Variants in DDX24 observed in about 807,000 individuals in gnomAD.
DDX24 encodes the protein DEAD-box helicase 24.
Under a neutral mutation model 68.9 loss-of-function variants are expected in DDX24, and 24 were observed. The observed-to-expected ratio is 0.35, with a 90% CI of 0.25 to 0.49. The LOEUF is 0.49. Ranked by LOEUF, DDX24 falls within the 20% of genes least tolerant of loss-of-function variation. The pLI, the probability that DDX24 is intolerant of heterozygous loss-of-function variation, is 0.99. For missense variants in DDX24, 989 were observed against 1,039.0 expected (o/e 0.95, Z 0.66); for synonymous variants, 395 against 385.2 (o/e 1.03, Z -0.30).
chr14:94,073,418 A>G (rs1269278146), intron 2 of DDX24, among the ~76,000 whole-genome samples: 1 of 152,174 alleles, frequency 6.6e-6, no homozygotes, highest in Non-Finnish European at 1.5e-5. Context: ...GAACTGTCTG[A>G]TTAAACAGCA....
Position 94,051,071 on chromosome 14 carries a change from G to T in DDX24, c.*120C>A. On this transcript the variant is annotated 3_prime_UTR_variant, in exon 9 of 9. Transcript: ENST00000621632. ...GGTCTCTCCCGCTATGGGTGTGAGT[G>T]GAAGAGAGGGAGACTTTTTTACCTG... 8.1e-7 allele frequency: 1 copy of T among 1,234,756 alleles called. No homozygotes were observed. The highest frequency in any genetic ancestry group is 1.1e-6 in the Non-Finnish European group (1 of 903,112). 76.5% of individuals were successfully genotyped at this position (1,234,756 alleles called of 1,614,324 possible). A position where few individuals can be genotyped will look rare whatever the true frequency, so the allele number is the denominator to read the frequency against.
chr14:94,049,100 G>C lies in DDX24; in HGVS notation c.*2091C>G, dbSNP rs147368021. On this transcript the variant is annotated 3_prime_UTR_variant, in exon 9 of 9. Transcript: ENST00000621632. ...GCCCACCAACTTCACCTTACCAGGC[G>C]AGAGTAGCACTGCTTGGAAGGCTGC... The C allele has an allele frequency of 2.0e-5, 3 of 152,242 alleles. No individual in the cohort carries two copies. The highest frequency in any genetic ancestry group is 2.9e-5 in the Non-Finnish European group (2 of 68,066). The allele number at this position is 152,242 out of a possible 1,614,324, so 9.4% of individuals were successfully genotyped here.
At chr14:94,055,715 C>T (rs1447578378) in intron 6 of DDX24, 1 of 152,742 alleles carries the variant, frequency 6.5e-6, no homozygotes, top group African/African-American at 2.4e-5. Flanking sequence ...TGAGATTTGC[C>T]TTTCTTTACT....
At chr14:94,057,096 G>C (rs1171892456) in intron 6 of DDX24, 1 of 152,222 alleles carries the variant, frequency 6.6e-6, no homozygotes, top group Non-Finnish European at 1.5e-5. Context: ...GGGGTAGCTA[G>C]TTGTTACTTC....
In DDX24 at chr14:94,053,050, A is replaced by G. The variant is rs1468668139; in HGVS notation, c.2256T>C (p.Ile752=). Residue 752 remains isoleucine (I), a synonymous_variant, in exon 8 of 9, where the codon ATT becomes ATC. Transcript: ENST00000621632. Reference sequence around the variant, plus strand: ...TCTCCAGGGCAGCTGCTGCCTGCTCAATCCAAGAGTTGTGCAGGCAAGCCT... The same window carrying G: ...TCTCCAGGGCAGCTGCTGCCTGCTCGATCCAAGAGTTGTGCAGGCAAGCCT... ...NFQACLHNSW[I]EQAAAALEIE... 2 of 1,614,072 alleles carry G rather than the reference A, an allele frequency of 1.2e-6. No homozygotes were observed. Among genetic ancestry groups the G allele is most frequent in the South Asian group, 1.1e-5 (1 of 91,084 alleles).
At chr14:94,073,086 CTTTT>C (rs10716706) in intron 2 of DDX24, among the ~76,000 whole-genome samples, 15 of 125,678 alleles carry the variant, frequency 1.2e-4, no homozygotes, top group Non-Finnish European at 1.7e-4. Context: ...ATTTTCTTTT[CTTTT>C]TTTTTTTTTT....
Position 94,073,749 on chromosome 14 carries a change from GA to G in DDX24, c.718+5275del, listed in dbSNP as rs554071873. On this transcript the variant is annotated intron_variant, in intron 2 of 8. Transcript: ENST00000621632. Reference sequence around the variant, plus strand: ...CTGCAAGTAGAAAACAGTCACTCAAGAAAAAAATAAGTGGCCGGGTGTGGCG... The same window carrying G: ...CTGCAAGTAGAAAACAGTCACTCAAGAAAAAATAAGTGGCCGGGTGTGGCG... 1.5e-3 allele frequency among the ~76,000 whole-genome samples: 222 copies of G among 151,098 alleles called. 2 individuals carry two copies. Among genetic ancestry groups the G allele is most frequent in the African/African-American group, 5.3e-3 (220 of 41,406 alleles).
In DDX24 at chr14:94,062,515, T is replaced by A. The variant is rs759508718; in HGVS notation, c.825A>T (p.Gly275=). The change falls in exon 3 of 9, where the codon GGA becomes GGT. Residue 275 remains glycine, a synonymous_variant. Coordinates refer to ENST00000621632, the MANE Select transcript of DDX24 (RefSeq NM_020414.4). ...PPPSNTEAPP[G]ETRTEAGAET... Reference sequence around the variant, plus strand: ...CAGCTCCGGCCTCAGTTCTGGTCTCTCCAGGTGGTGCTTCGGTGTTACTTG... The same window carrying A: ...CAGCTCCGGCCTCAGTTCTGGTCTCACCAGGTGGTGCTTCGGTGTTACTTG... 7.4e-6 allele frequency: 12 copies of A among 1,614,080 alleles called. No individual in the cohort carries two copies. The highest frequency in any genetic ancestry group is 9.3e-6 in the Non-Finnish European group (11 of 1,180,038).
At position 94,079,732 on chromosome 14, in the gene DDX24, T is replaced by G. The variant is rs751409503; in HGVS notation, c.11A>C (p.Lys4Thr). The G allele has an allele frequency of 7.4e-6, 12 of 1,613,624 alleles. No individual in the cohort carries two copies. Among genetic ancestry groups the G allele is most frequent in the Non-Finnish European group, 9.3e-6 (11 of 1,179,786 alleles). Residue 4 changes from lysine (K) to threonine (T), a missense_variant, in exon 2 of 9, where the codon AAG becomes ACG. Around this residue, in one of 3 missense-constraint regions of DDX24, gnomAD observed 295 missense variants for 263.0 expected, o/e 1.12. Coordinates refer to ENST00000621632, the MANE Select transcript of DDX24 (RefSeq NM_020414.4). ...CTGCTTTGGCCTTGATTTTGTGTCC[T>G]TCAACTTCATGGTTGCTGAAAAGGA... is the stretch of plus-strand genomic sequence containing the variant. MKLKDTKSRPKQSS... is the reference protein window; with the variant it reads MKLTDTKSRPKQSS...
intron 2 of DDX24, among the ~76,000 whole-genome samples, chr14:94,070,520 A>T (rs1003768684): frequency 5.3e-5 from 8 of 152,238 alleles, no homozygotes; most frequent in African/African-American, 1.9e-4. Context: ...TCTAAAATTC[A>T]TATGGAACCA....
chr14:94,049,233 G>C lies in DDX24; in HGVS notation c.*1958C>G, dbSNP rs1885341812. The C allele has an allele frequency of 1.3e-5, 2 of 152,372 alleles. No individual in the cohort carries two copies. The highest frequency in any genetic ancestry group is 2.4e-5 in the African/African-American group (1 of 41,564). 9.4% of individuals were successfully genotyped at this position (152,372 alleles called of 1,614,324 possible). Reference sequence around the variant, plus strand: ...GACAGTCATCAGGGGATCTATGTTTGGCTTATGGCAAGTGGCTTCACTCCC... The same window carrying C: ...GACAGTCATCAGGGGATCTATGTTTCGCTTATGGCAAGTGGCTTCACTCCC... On this transcript the variant is annotated 3_prime_UTR_variant, in exon 9 of 9. Coordinates refer to ENST00000621632, the MANE Select transcript of DDX24 (RefSeq NM_020414.4).
At chr14:94,060,769 A>T in intron 4 of DDX24, 144 bp downstream of exon 4, 1 of 1,459,400 alleles carries the variant, frequency 6.9e-7, no homozygotes, top group East Asian at 2.3e-5. Context: ...TCCCTCATGC[A>T]CTCTTGGCTT....
intron 2 of DDX24, among the ~76,000 whole-genome samples, chr14:94,070,150 A>T (rs908887906): frequency 6.6e-6 from 1 of 152,216 alleles, no homozygotes; most frequent in Non-Finnish European, 1.5e-5. Context: ...AAAACTGATA[A>T]ACAATTCAGC....
At chr14:94,057,790 G>A in intron 6 of DDX24, 32 bp downstream of exon 6, 1 of 1,606,712 alleles carries the variant, frequency 6.2e-7, no homozygotes, top group South Asian at 1.1e-5. Context: ...TTCAGTGCAG[G>A]CAGATGCCTA....
At chr14:94,075,879 C>G (rs1885928087) in intron 2 of DDX24, among the ~76,000 whole-genome samples, 1 of 152,144 alleles carries the variant, frequency 6.6e-6, no homozygotes, top group South Asian at 2.1e-4. Context: ...CTAAAATGCT[C>G]TACATTGCTA....
At chr14:94,075,071 G>A (rs1407780101) in intron 2 of DDX24, among the ~76,000 whole-genome samples, 2 of 152,066 alleles carry the variant, frequency 1.3e-5, no homozygotes, top group East Asian at 1.9e-4. Flanking sequence ...TTGTTAAGAC[G>A]TCATCTATCC....
chr14:94,065,372 ATC>A (rs199615453), intron 2 of DDX24, among the ~76,000 whole-genome samples: 7,573 of 83,488 alleles, frequency 0.091, 609 homozygotes, highest in African/African-American at 0.28. Context: ...TCTTAATAGT[ATC>A]TCTCTCTCTG....
Position 94,064,460 on chromosome 14 carries a change from C to T in DDX24, c.719-1839G>A, listed in dbSNP as rs527765663. On this transcript the variant is annotated intron_variant, in intron 2 of 8. Coordinates refer to ENST00000621632, the MANE Select transcript of DDX24 (RefSeq NM_020414.4). ...GGATGGGGGATGGAACTTTCAGCTG[C>T]CTCTCCCCACCAACCTCCAGGGAGG... Among the ~76,000 whole-genome samples the T allele has an allele frequency of 2.5e-4, 38 of 152,332 alleles. 1 individual carries two copies. The South Asian group carries it at 7.7e-3, about 31-fold the overall frequency.
intron 8 of DDX24, among the ~76,000 whole-genome samples, chr14:94,052,576 A>G (rs183342834): frequency 3.9e-5 from 6 of 152,340 alleles, no homozygotes; most frequent in African/African-American, 1.2e-4. Context: ...AGCACTTAAC[A>G]TTTTTTAACT....
Sources: allele counts gnomAD v4.1 joint callset (sites outside exome capture counted in the v4.1 genomes callset), GRCh38; gene constraint gnomAD v4.1.1; regional missense constraint gnomAD v4.1.1; transcripts MANE v1.5; gene names NCBI Gene and HGNC (gene_info 2026-07-23, HGNC 2026-07-21).